Variants in RNF150 observed in about 807,000 individuals in gnomAD.
RNF150 encodes the protein ring finger protein 150.
In RNF150, 24 loss-of-function variants were observed where a neutral mutation model predicts 39.3. The observed-to-expected ratio is 0.61, with a 90% confidence interval of 0.44 to 0.86. The LOEUF (loss-of-function observed/expected upper bound fraction) is 0.86. Ranked by LOEUF, RNF150 falls within the 40% of genes least tolerant of loss-of-function variation. The probability of loss-of-function intolerance (pLI) is 0.00; values close to 1 mark genes in which losing one functional copy is unlikely to be tolerated. For missense variants in RNF150, 502 were observed against 587.8 expected, an observed-to-expected ratio of 0.85 and a Z score of 1.51; for synonymous variants, 255 against 227.3, an observed-to-expected ratio of 1.12 and a Z score of -1.10.
At chr4:140,987,503 T>C (rs1294221732) in intron 1 of RNF150, among the ~76,000 whole-genome samples, 1 of 151,924 alleles carries the variant, frequency 6.6e-6, no homozygotes, top group Non-Finnish European at 1.5e-5. Context: ...TTGACAAAAA[T>C]AAGCAATGAG....
intron 1 of RNF150, among the ~76,000 whole-genome samples, chr4:141,049,245 T>A (rs1393006506): frequency 5.3e-5 from 8 of 150,240 alleles, no homozygotes; most frequent in African/African-American, 9.8e-5. Context: ...CACAAATAAG[T>A]ATAAGGACAT....
chr4:140,941,961 TTAAAAA>T (rs898264915), intron 4 of RNF150, among the ~76,000 whole-genome samples: 89 of 152,228 alleles, frequency 5.8e-4, no homozygotes, highest in African/African-American at 1.9e-3. Context: ...AAAGCTCAAA[TTAAAAA>T]TAAAACGCGC....
At chr4:141,177,242 T>C in intron 1 of RNF150, among the ~76,000 whole-genome samples, 1 of 152,004 alleles carries the variant, frequency 6.6e-6, no homozygotes. Flanking sequence ...AAAAAAAATG[T>C]ATTTCAGATT....
At chr4:141,094,032 T>C (rs989690103) in intron 1 of RNF150, among the ~76,000 whole-genome samples, 1 of 152,102 alleles carries the variant, frequency 6.6e-6, no homozygotes, top group Non-Finnish European at 1.5e-5. Flanking sequence ...ACAGATGATA[T>C]AGATACAGCT....
intron 6 of RNF150, among the ~76,000 whole-genome samples, chr4:140,871,041 T>G (rs878969794): frequency 6.7e-6 from 1 of 150,304 alleles, no homozygotes; most frequent in African/African-American, 2.5e-5. Context: ...CACACACACT[T>G]TATACTTATG....
At chr4:140,973,727 A>C (rs1733553003) in intron 1 of RNF150, among the ~76,000 whole-genome samples, 1 of 151,974 alleles carries the variant, frequency 6.6e-6, no homozygotes, top group Non-Finnish European at 1.5e-5. Context: ...AAATACAAAA[A>C]TTAGACGGGG....
Position 141,029,064 on chromosome 4 carries a change from T to G in RNF150, c.485-61191A>C, listed in dbSNP as rs185797019. 3.9e-4 allele frequency among the ~76,000 whole-genome samples: 60 copies of G among 152,316 alleles called. No individual in the cohort carries two copies. The East Asian group carries it at 0.011, about 28-fold the overall frequency. Reference sequence around the variant, plus strand: ...GGTGGCCTAGATATTTTTACAGCTATTCTCACAGTCACCCAAGATCTGGCT... The same window carrying G: ...GGTGGCCTAGATATTTTTACAGCTAGTCTCACAGTCACCCAAGATCTGGCT... On this transcript the variant is annotated intron_variant, in intron 1 of 6. Coordinates refer to ENST00000515673, the MANE Select transcript of RNF150 (RefSeq NM_020724.2).
At position 140,990,932 on chromosome 4, in the gene RNF150, A is replaced by T. The variant is rs146899798; in HGVS notation, c.485-23059T>A. ...CCACACCGTCTTTCACAATGGCTGA[A>T]GTAATCTACATTCCCAGCAATAGTG... On this transcript the variant is annotated intron_variant, in intron 1 of 6. Coordinates refer to ENST00000515673, the MANE Select transcript of RNF150 (RefSeq NM_020724.2). 9.8e-5 allele frequency among the ~76,000 whole-genome samples: 15 copies of T among 152,308 alleles called. No individual in the cohort carries two copies. The East Asian group carries it at 2.5e-3, about 25-fold the overall frequency.
At chr4:141,142,639 A>C (rs1449480733) in intron 1 of RNF150, among the ~76,000 whole-genome samples, 5 of 152,124 alleles carry the variant, frequency 3.3e-5, no homozygotes, top group Non-Finnish European at 7.4e-5. Flanking sequence ...GTCAGATTCA[A>C]TGGGAACACT....
chr4:141,208,275 A>C (rs1728407505), intron 1 of RNF150, among the ~76,000 whole-genome samples: 1 of 152,238 alleles, frequency 6.6e-6, no homozygotes, highest in African/African-American at 2.4e-5. Context: ...AAGAGCACAG[A>C]AGGAGAAATA....
intron 1 of RNF150, among the ~76,000 whole-genome samples, chr4:141,163,801 G>A (rs1727553841): frequency 6.6e-6 from 1 of 152,006 alleles, no homozygotes; most frequent in Non-Finnish European, 1.5e-5. Flanking sequence ...CCATCCAAAG[G>A]TCACCAACAT....
chr4:140,935,043 ATAAATATATATATTAT>A (rs1560975675), intron 4 of RNF150, among the ~76,000 whole-genome samples: 3 of 4,580 alleles, frequency 6.6e-4, no homozygotes, highest in Non-Finnish European at 1.9e-3. Flanking sequence ...ATATATATAT[ATAAATATATATATTAT>A]ATATATATAA....
At chr4:140,997,242 T>G (rs76519910) in intron 1 of RNF150, among the ~76,000 whole-genome samples, 11,549 of 152,262 alleles carry the variant, frequency 0.076, 498 homozygotes, top group Middle Eastern at 0.16. Context: ...GAAATAATAA[T>G]CTAAGATGCC....
chr4:141,028,971 T>C (rs550732101), intron 1 of RNF150, among the ~76,000 whole-genome samples: 2 of 152,288 alleles, frequency 1.3e-5, no homozygotes, highest in East Asian at 3.9e-4. Flanking sequence ...ACATAATTTA[T>C]TAAGATATGC....
At chr4:141,114,028 T>C (rs1294129511) in intron 1 of RNF150, among the ~76,000 whole-genome samples, 2 of 152,308 alleles carry the variant, frequency 1.3e-5, no homozygotes, top group South Asian at 2.1e-4. Context: ...GGGAAAATTA[T>C]AGCACTAAAT....
intron 1 of RNF150, among the ~76,000 whole-genome samples, chr4:141,054,504 A>C (rs1029565647): frequency 6.6e-6 from 1 of 152,116 alleles, no homozygotes; most frequent in Non-Finnish European, 1.5e-5. Flanking sequence ...ACGTACCACC[A>C]AAGACACTTA....
chr4:141,139,110 G>A (rs1219477766), intron 1 of RNF150, among the ~76,000 whole-genome samples: 1 of 152,192 alleles, frequency 6.6e-6, no homozygotes, highest in African/African-American at 2.4e-5. Flanking sequence ...AACTGCTTGG[G>A]AGGCTGAAGC....
intron 1 of RNF150, among the ~76,000 whole-genome samples, chr4:141,001,817 A>G (rs1200633078): frequency 6.6e-6 from 1 of 152,110 alleles, no homozygotes; most frequent in Non-Finnish European, 1.5e-5. Context: ...ATGTTTTAAA[A>G]CCATAGTTCA....
intron 6 of RNF150, among the ~76,000 whole-genome samples, chr4:140,896,253 C>T (rs1578940326): frequency 7.4e-5 from 1 of 13,510 alleles, no homozygotes; most frequent in East Asian, 1.3e-3. Context: ...TTTATTGCGG[C>T]ACTATTCACA....
Sources: gnomAD v4.1 joint callset for allele counts (sites outside exome capture counted in the v4.1 genomes callset) on GRCh38, gnomAD v4.1.1 for gene constraint, MANE v1.5 for transcripts, NCBI Gene and HGNC (gene_info 2026-07-23, HGNC 2026-07-21) for gene names.